Variants in PTPRD observed in about 807,000 individuals in gnomAD.
PTPRD encodes the protein receptor-type tyrosine-protein phosphatase delta.
PTPRD carries 34 observed loss-of-function variants against 214.5 expected under a neutral mutation model. The observed-to-expected ratio is 0.16, with a 90% CI of 0.12 to 0.21. PTPRD has a LOEUF of 0.21. Among genes scored for constraint, PTPRD ranks in the 10% least tolerant of loss-of-function variants. The probability of loss-of-function intolerance (pLI) is 1.00; values close to 1 mark genes in which losing one functional copy is unlikely to be tolerated. For synonymous variants in PTPRD, 1,128 were observed against 845.7 expected (o/e 1.33, Z -5.79); for missense variants, 2,545 against 2,398.7 (o/e 1.06, Z -1.27).
In PTPRD at chr9:9,960,362, A is replaced by G. The variant is rs936565171; in HGVS notation, c.-471-21752T>C. On this transcript the variant is annotated intron_variant, in intron 4 of 45. Transcript: ENST00000381196. ...AACCCACGTAGAATAATTCTAAATAATGTATGTAGCTACTCTATCTCAAGA... is the reference window on the plus strand; with the variant it reads ...AACCCACGTAGAATAATTCTAAATAGTGTATGTAGCTACTCTATCTCAAGA... Among the ~76,000 whole-genome samples the G allele has an allele frequency of 2.0e-5, 3 of 152,138 alleles. No homozygotes were observed. The South Asian group carries it at 6.2e-4, about 31-fold the overall frequency.
At chr9:9,962,003 G>C (rs546175455) in intron 4 of PTPRD, among the ~76,000 whole-genome samples, 3 of 152,006 alleles carry the variant, frequency 2.0e-5, no homozygotes, top group Non-Finnish European at 4.4e-5. Context: ...GAATTTCATA[G>C]AAAATAACTT....
At position 8,465,596 on chromosome 9, in the gene PTPRD, T is replaced by C. The variant is rs761053201; in HGVS notation, c.3584A>G (p.His1195Arg). 23 of 1,612,522 alleles carry C rather than the reference T, an allele frequency of 1.4e-5. No individual in the cohort carries two copies. The highest frequency in any genetic ancestry group is 1.8e-5 in the Non-Finnish European group (21 of 1,179,084). Residue 1195 changes from histidine (H) to arginine (R), a missense_variant, in exon 32 of 46, where the codon CAC (histidine) becomes CGC (arginine). By Grantham distance (29) the His-to-Arg change is conservative. Coordinates refer to ENST00000381196, the MANE Select transcript of PTPRD (RefSeq NM_002839.4). ...GAACTCAGTGGGAAGGACATCAAAGTGAGCGGCAATATATGGCTTTAATTC... is the reference window on the plus strand; with the variant it reads ...GAACTCAGTGGGAAGGACATCAAAGCGAGCGGCAATATATGGCTTTAATTC... ...EVELKPYIAA[H>R]FDVLPTEFTL...
At chr9:9,712,552 G>A (rs1225309191) in intron 7 of PTPRD, among the ~76,000 whole-genome samples, 1 of 152,134 alleles carries the variant, frequency 6.6e-6, no homozygotes, top group Non-Finnish European at 1.5e-5. Flanking sequence ...AGCTTGTCAA[G>A]AAAGTCATTC....
chr9:10,228,364 C>T (rs1159878239), intron 3 of PTPRD, among the ~76,000 whole-genome samples: 1 of 152,092 alleles, frequency 6.6e-6, no homozygotes, highest in African/African-American at 2.4e-5. Flanking sequence ...GGTCCCACAT[C>T]CACAGGATAT....
At chr9:9,982,328 T>C (rs965909670) in intron 4 of PTPRD, among the ~76,000 whole-genome samples, 1 of 152,196 alleles carries the variant, frequency 6.6e-6, no homozygotes, top group Non-Finnish European at 1.5e-5. Flanking sequence ...ACACATTGTC[T>C]TTAAGCTAAA....
At chr9:9,359,780 A>G (rs889704333) in intron 9 of PTPRD, among the ~76,000 whole-genome samples, 1 of 151,180 alleles carries the variant, frequency 6.6e-6, no homozygotes, top group African/African-American at 2.4e-5. Flanking sequence ...ATTTTCATGC[A>G]TCTATTCAAT....
At chr9:10,113,361 C>T (rs1204810474) in intron 3 of PTPRD, among the ~76,000 whole-genome samples, 1 of 152,174 alleles carries the variant, frequency 6.6e-6, no homozygotes, top group African/African-American at 2.4e-5. Flanking sequence ...CCACTGGGCT[C>T]ACAATGAAGT....
chr9:9,055,935 G>GAT (rs1205642498), intron 10 of PTPRD, among the ~76,000 whole-genome samples: 1 of 151,894 alleles, frequency 6.6e-6, no homozygotes, highest in African/African-American at 2.4e-5. Flanking sequence ...TCATTCCAAA[G>GAT]ATATTCTGCA....
chr9:9,928,541 C>T (rs2085160108), intron 5 of PTPRD, among the ~76,000 whole-genome samples: 1 of 151,986 alleles, frequency 6.6e-6, no homozygotes, highest in South Asian at 2.1e-4. Context: ...AGATATTTCA[C>T]TATGGGAACA....
chr9:8,550,482 T>A (rs1405357149), intron 14 of PTPRD, among the ~76,000 whole-genome samples: 3 of 152,212 alleles, frequency 2.0e-5, no homozygotes, highest in African/African-American at 7.2e-5. Flanking sequence ...TGCCCTGAAA[T>A]ATTTTAAGGC....
At chr9:9,797,578 G>A (rs899299796) in intron 5 of PTPRD, among the ~76,000 whole-genome samples, 1 of 152,138 alleles carries the variant, frequency 6.6e-6, no homozygotes, top group African/African-American at 2.4e-5. Context: ...GTGCATGGTG[G>A]CTCATGCCTG....
chr9:9,309,608 G>C (rs1336585488), intron 9 of PTPRD, among the ~76,000 whole-genome samples: 1 of 152,100 alleles, frequency 6.6e-6, no homozygotes, highest in Non-Finnish European at 1.5e-5. Context: ...ACATCAAAGA[G>C]AGACTCTAAA....
chr9:9,606,997 A>C, intron 7 of PTPRD, among the ~76,000 whole-genome samples: 1 of 132,742 alleles, frequency 7.5e-6, no homozygotes, highest in Admixed American at 7.4e-5. Context: ...AAAAAAAAAA[A>C]AAAAAAAAGT....
chr9:9,338,458 G>GT (rs952305812), intron 9 of PTPRD, among the ~76,000 whole-genome samples: 3 of 151,794 alleles, frequency 2.0e-5, no homozygotes, highest in Admixed American at 6.6e-5. Flanking sequence ...AAGGCTTTAG[G>GT]TTTTTTTAGT....
intron 5 of PTPRD, among the ~76,000 whole-genome samples, chr9:9,922,037 G>A (rs1256613181): frequency 6.6e-6 from 1 of 152,108 alleles, no homozygotes; most frequent in African/African-American, 2.4e-5. Flanking sequence ...AGCAGGTGGA[G>A]AAATGATTCA....
intron 11 of PTPRD, among the ~76,000 whole-genome samples, chr9:8,790,481 G>A (rs147094837): frequency 0.01 from 1,557 of 151,790 alleles, 36 homozygotes; most frequent in African/African-American, 0.035. Flanking sequence ...GCAGTGGTGC[G>A]ATCTTGGCTC....
intron 2 of PTPRD, among the ~76,000 whole-genome samples, chr9:10,511,916 G>T (rs536698713): frequency 2.5e-5 from 2 of 79,872 alleles, no homozygotes; most frequent in Admixed American, 1.3e-4. Context: ...ATATATATAC[G>T]TGTATATATA....
At chr9:8,920,039 C>T (rs1375788507) in intron 11 of PTPRD, among the ~76,000 whole-genome samples, 2 of 151,860 alleles carry the variant, frequency 1.3e-5, no homozygotes. Context: ...TATGTGTATA[C>T]ATATATATTT....
chr9:8,322,641 T>A lies in PTPRD; in HGVS notation c.5535-2675A>T, dbSNP rs551858026. ...AAGGAAGGAAGCCAACCCCATAACA[T>A]AAAAGTGCAAGGTGAAGCAATAAGT... On this transcript the variant is annotated intron_variant, in intron 44 of 45. Coordinates refer to ENST00000381196, the MANE Select transcript of PTPRD (RefSeq NM_002839.4). Among the ~76,000 whole-genome samples, 4 of 152,224 alleles carry A rather than the reference T, an allele frequency of 2.6e-5. No homozygotes were observed. The South Asian group carries it at 6.2e-4, about 24-fold the overall frequency.
Sources: allele counts gnomAD v4.1 joint callset (sites outside exome capture counted in the v4.1 genomes callset), GRCh38; gene constraint gnomAD v4.1.1; transcripts MANE v1.5; gene names NCBI Gene and HGNC (gene_info 2026-07-23, HGNC 2026-07-21).